SYNPR: variants seen among roughly 807,000 people sequenced by gnomAD.
SYNPR encodes the protein synaptoporin.
Under a neutral mutation model 32.9 loss-of-function variants are expected in SYNPR, and 23 were observed. The observed-to-expected ratio is 0.70, with a 90% CI of 0.50 to 0.99. SYNPR has a LOEUF of 0.99. Among genes scored for constraint, SYNPR ranks in the 50% least tolerant of loss-of-function variants. The pLI is 0.00. For synonymous variants in SYNPR, 146 were observed against 135.9 expected, an observed-to-expected ratio of 1.07 and a Z score of -0.52; for missense variants, 318 against 349.3, an observed-to-expected ratio of 0.91 and a Z score of 0.71.
Position 63,615,701 on chromosome 3 carries a change from T to C in SYNPR, c.*220T>C. The C allele has an allele frequency of 3.7e-6, 2 of 546,262 alleles. No individual in the cohort carries two copies. Among genetic ancestry groups the C allele is most frequent in the East Asian group, 6.2e-5 (2 of 32,116 alleles). The allele number at this position is 546,262 out of a possible 1,614,324, so 33.8% of individuals were successfully genotyped here. ...ATATTATTCATCATAGATGGCTAAT[T>C]GGAGAGTACCTTGTTATATATACAG... On this transcript the variant is annotated 3_prime_UTR_variant, in exon 6 of 6. Transcript: ENST00000478300.
intron 3 of SYNPR, among the ~76,000 whole-genome samples, chr3:63,486,072 C>T (rs1380544975): frequency 6.6e-6 from 1 of 152,114 alleles, no homozygotes; most frequent in Non-Finnish European, 1.5e-5. Context: ...CCATGCCTGG[C>T]TAATTTTTGT....
chr3:63,400,636 T>A (rs1465515247), intron 2 of SYNPR, among the ~76,000 whole-genome samples: 1 of 152,216 alleles, frequency 6.6e-6, no homozygotes, highest in Non-Finnish European at 1.5e-5. Flanking sequence ...ACACCATTGC[T>A]GTCATGACAT....
rs575257457 is a variant in SYNPR, at chr3:63,445,913, TCA to T, written c.85-34918_85-34917del. 3.9e-5 allele frequency among the ~76,000 whole-genome samples: 6 copies of T among 152,324 alleles called. No individual in the cohort carries two copies. The East Asian group carries it at 1.2e-3, about 29-fold the overall frequency. The stretch of plus-strand genomic sequence containing the variant: ...CTGATACAAGGTAGTCTCCTTCCTC[TCA>T]GACTATGTCTTTATGATTCCAAGCT... On this transcript the variant is annotated intron_variant, in intron 2 of 5. Transcript: ENST00000478300.
intron 1 of SYNPR, among the ~76,000 whole-genome samples, chr3:63,249,084 A>T (rs1193973003): frequency 1.3e-5 from 2 of 152,178 alleles, no homozygotes; most frequent in Admixed American, 6.6e-5. Flanking sequence ...TATGATTTTT[A>T]AAATTCTATT....
chr3:63,563,552 CTCTG>C (rs1274221720), intron 4 of SYNPR, among the ~76,000 whole-genome samples: 1 of 152,120 alleles, frequency 6.6e-6, no homozygotes, highest in Non-Finnish European at 1.5e-5. Context: ...CCCAATTCCC[CTCTG>C]TCTTCTTCTC....
chr3:63,615,410 A>T lies in SYNPR; in HGVS notation c.787A>T (p.Ser263Cys). 6.2e-7 allele frequency: 1 copy of T among 1,613,924 alleles called. No individual in the cohort carries two copies. The highest frequency in any genetic ancestry group is 2.2e-5 in the East Asian group (1 of 44,866). ...AAGCAGTGGGTACAGTCAGCAGGCG[A>T]GTTTGGGGCCAACCTCAGATGAGTT... The part of the protein sequence containing the change: ...GSSSGYSQQA[S>C]LGPTSDEFGQ... The change falls in exon 6 of 6, where the codon AGT becomes TGT. Residue 263 changes from serine to cysteine, a missense_variant. Ser to Cys is a moderately radical substitution (Grantham distance 112). Transcript: ENST00000478300.
At chr3:63,237,398 G>A (rs550115505) in intron 1 of SYNPR, among the ~76,000 whole-genome samples, 2 of 151,950 alleles carry the variant, frequency 1.3e-5, no homozygotes, top group African/African-American at 4.8e-5. Flanking sequence ...TTTCCATTTT[G>A]TTCTTTTTAA....
chr3:63,469,642 G>T (rs1382260571), intron 2 of SYNPR, among the ~76,000 whole-genome samples: 2 of 152,110 alleles, frequency 1.3e-5, no homozygotes, highest in Non-Finnish European at 2.9e-5. Flanking sequence ...AATTGGAGTT[G>T]ATTCCTTTAA....
chr3:63,430,510 C>A (rs886798518), intron 2 of SYNPR, among the ~76,000 whole-genome samples: 2 of 152,172 alleles, frequency 1.3e-5, no homozygotes, highest in African/African-American at 4.8e-5. Context: ...TGTGGAAGTA[C>A]GTAAGATGGA....
chr3:63,439,337 A>G (rs1414137078), intron 2 of SYNPR, among the ~76,000 whole-genome samples: 2 of 152,228 alleles, frequency 1.3e-5, no homozygotes, highest in African/African-American at 2.4e-5. Flanking sequence ...TAATGGATAA[A>G]TGTTATTTTA....
intron 2 of SYNPR, among the ~76,000 whole-genome samples, chr3:63,415,639 T>A (rs1014865244): frequency 1.3e-5 from 2 of 152,170 alleles, no homozygotes; most frequent in African/African-American, 4.8e-5. Context: ...CCAATAAAAA[T>A]TCAAGAAAAA....
At chr3:63,462,585 T>G (rs1700605354) in intron 2 of SYNPR, among the ~76,000 whole-genome samples, 1 of 152,144 alleles carries the variant, frequency 6.6e-6, no homozygotes, top group Non-Finnish European at 1.5e-5. Context: ...TATACTTTAT[T>G]CCCAGGACAT....
chr3:63,481,092 C>A, intron 3 of SYNPR, 136 bp downstream of exon 3: 2 of 1,208,306 alleles, frequency 1.7e-6, no homozygotes, highest in Non-Finnish European at 2.2e-6. Context: ...CACGGAATGC[C>A]CAAACACAGT....
chr3:63,353,966 G>A (rs2087542892), intron 2 of SYNPR, among the ~76,000 whole-genome samples: 1 of 152,154 alleles, frequency 6.6e-6, no homozygotes, highest in Non-Finnish European at 1.5e-5. Context: ...ATGTATGAAA[G>A]GGAGAAACAC....
intron 3 of SYNPR, among the ~76,000 whole-genome samples, chr3:63,507,072 G>A (rs1701602500): frequency 6.6e-6 from 1 of 151,948 alleles, no homozygotes; most frequent in Admixed American, 6.6e-5. Context: ...ACTTGAACCT[G>A]GGAGGCGGAG....
chr3:63,596,012 T>C (rs1225539561), intron 4 of SYNPR, among the ~76,000 whole-genome samples: 1 of 142,006 alleles, frequency 7.0e-6, no homozygotes, highest in East Asian at 2.0e-4. Context: ...TATATAATTA[T>C]ACTTTAAGTT....
chr3:63,303,338 A>G (rs940595400), intron 2 of SYNPR, among the ~76,000 whole-genome samples: 1 of 151,940 alleles, frequency 6.6e-6, no homozygotes, highest in African/African-American at 2.4e-5. Flanking sequence ...ACCCTGATCT[A>G]GGTCCTGACT....
At chr3:63,601,092 G>C (rs567316988) in intron 4 of SYNPR, among the ~76,000 whole-genome samples, 2 of 152,172 alleles carry the variant, frequency 1.3e-5, no homozygotes, top group South Asian at 4.2e-4. Context: ...GACCCACATG[G>C]AGAAACCCCA....
intron 4 of SYNPR, among the ~76,000 whole-genome samples, chr3:63,583,401 T>C (rs1014266979): frequency 1.3e-5 from 2 of 152,106 alleles, no homozygotes; most frequent in Non-Finnish European, 2.9e-5. Context: ...ATTTATAAAA[T>C]ATAAGGTTAT....
Sources: gnomAD v4.1 joint callset for allele counts (sites outside exome capture counted in the v4.1 genomes callset) on GRCh38, gnomAD v4.1.1 for gene constraint, MANE v1.5 for transcripts, NCBI Gene and HGNC (gene_info 2026-07-23, HGNC 2026-07-21) for gene names.